CPNE4: variants seen among roughly 807,000 people sequenced by gnomAD.
CPNE4 encodes the protein copine-4.
CPNE4 carries 25 observed loss-of-function variants against 67.9 expected under a neutral mutation model. The ratio of observed to expected loss-of-function variants is 0.37; its 90% CI spans 0.27 to 0.51. CPNE4 has a LOEUF of 0.51. CPNE4 is among the 20% of genes least tolerant of loss of function. CPNE4 has a pLI of 0.93. For synonymous variants in CPNE4, 242 were observed against 244.9 expected (o/e 0.99, Z 0.11); for missense variants, 464 against 690.8 (o/e 0.67, Z 3.68).
intron 7 of CPNE4, among the ~76,000 whole-genome samples, chr3:131,607,149 T>C (rs1201883686): frequency 6.6e-6 from 1 of 151,838 alleles, no homozygotes; most frequent in Non-Finnish European, 1.5e-5. Context: ...GGTGGATCAC[T>C]TTCCTGGGAG....
intron 1 of CPNE4, among the ~76,000 whole-genome samples, chr3:131,971,782 A>T (rs1258428062): frequency 6.6e-6 from 1 of 152,142 alleles, no homozygotes. Flanking sequence ...TCAGCTTCCA[A>T]GTCACTGTAG....
chr3:131,931,139 G>A (rs7642768), intron 1 of CPNE4, among the ~76,000 whole-genome samples: 1 of 151,898 alleles, frequency 6.6e-6, no homozygotes, highest in Non-Finnish European at 1.5e-5. Context: ...CGTTATGGTA[G>A]GAAGTATAGC....
intron 6 of CPNE4, among the ~76,000 whole-genome samples, chr3:131,670,348 C>T (rs770043437): frequency 2.6e-5 from 4 of 152,178 alleles, no homozygotes; most frequent in African/African-American, 9.7e-5. Context: ...CCTGGAAAGG[C>T]GTGACAAAGC....
chr3:131,678,946 T>C (rs1160305592), intron 6 of CPNE4, among the ~76,000 whole-genome samples: 1 of 152,212 alleles, frequency 6.6e-6, no homozygotes, highest in African/African-American at 2.4e-5. Context: ...GCTGGCCCCA[T>C]AGAATGAGTT....
chr3:131,964,560 AGAACTTTGT>A (rs1229465555), intron 1 of CPNE4, among the ~76,000 whole-genome samples: 2 of 151,918 alleles, frequency 1.3e-5, no homozygotes, highest in Non-Finnish European at 1.5e-5. Context: ...ACACAGCATG[AGAACTTTGT>A]GAAGCATACA....
intron 2 of CPNE4, among the ~76,000 whole-genome samples, chr3:131,793,589 TCTCA>T (rs1467432657): frequency 1.3e-5 from 2 of 152,204 alleles, no homozygotes; most frequent in African/African-American, 2.4e-5. Context: ...TCACTATCTC[TCTCA>T]CTCACTAAGA....
rs539619762 is a variant in CPNE4 at position 131,549,955 on chromosome 3, C to T, written c.1294G>A (p.Glu432Lys). The change falls in exon 14 of 16, where the codon GAG (glutamate) becomes AAG (lysine). Residue 432 changes from glutamate to lysine, a missense_variant. Physicochemically the swap from Glu to Lys is moderately conservative, Grantham distance 56. Around this residue, in one of 6 missense-constraint regions of CPNE4, gnomAD observed 201 missense variants for 357.7 expected, o/e 0.56. Transcript: ENST00000429747. ...AATAGCCCCCTCCTTACCGATGCCT[C>T]CTTGGTGTTAGTTTCCTCTGACGCT... ...KSASEETNTK[E>K]ASQYFILLIL... is the part of the protein sequence containing the mutation. 1 of 1,613,012 alleles carries T rather than the reference C, an allele frequency of 6.2e-7. No individual in the cohort carries two copies. The highest frequency in any genetic ancestry group is 1.3e-5 in the African/African-American group (1 of 74,956).
chr3:131,546,360 T>C (rs1935836211), intron 14 of CPNE4, among the ~76,000 whole-genome samples: 1 of 152,170 alleles, frequency 6.6e-6, no homozygotes, highest in East Asian at 1.9e-4. Context: ...TCTTTGAATA[T>C]ACTTGAGGTC....
At chr3:131,979,489 T>C (rs748479722) in intron 1 of CPNE4, among the ~76,000 whole-genome samples, 1 of 140,144 alleles carries the variant, frequency 7.1e-6, no homozygotes, top group East Asian at 2.0e-4. Flanking sequence ...TTTTGTCTGA[T>C]AAAATAGCTA....
At chr3:131,801,841 C>T (rs1024471708) in intron 2 of CPNE4, among the ~76,000 whole-genome samples, 5 of 130,722 alleles carry the variant, frequency 3.8e-5, no homozygotes, top group African/African-American at 1.4e-4. Context: ...AGTGGCAATG[C>T]CTCCAAGCCG....
intron 6 of CPNE4, among the ~76,000 whole-genome samples, chr3:131,671,459 ATGTGTGTGTG>A (rs58195413): frequency 7.6e-6 from 1 of 131,254 alleles, no homozygotes; most frequent in Non-Finnish European, 1.8e-5. Context: ...GAGTGTACAC[ATGTGTGTGTG>A]TGTGTGTGTG....
At chr3:131,858,947 G>A (rs1363510802) in intron 2 of CPNE4, among the ~76,000 whole-genome samples, 1 of 152,116 alleles carries the variant, frequency 6.6e-6, no homozygotes, top group East Asian at 1.9e-4. Context: ...TCTGGACTCT[G>A]CTCACCAAAA....
intron 2 of CPNE4, among the ~76,000 whole-genome samples, chr3:131,734,452 A>G (rs1359563188): frequency 6.6e-6 from 1 of 152,092 alleles, no homozygotes; most frequent in Non-Finnish European, 1.5e-5. Flanking sequence ...GAATTTAGTG[A>G]GAAGAATGAT....
At chr3:132,033,530 C>T (rs1583625947) in intron 1 of CPNE4, among the ~76,000 whole-genome samples, 1 of 152,144 alleles carries the variant, frequency 6.6e-6, no homozygotes, top group Non-Finnish European at 1.5e-5. Context: ...CCCCCCTCCA[C>T]TTCCCAACCA....
At chr3:131,745,265 T>G (rs28799272) in intron 2 of CPNE4, among the ~76,000 whole-genome samples, 14,199 of 152,170 alleles carry the variant, frequency 0.093, 924 homozygotes, top group Non-Finnish European at 0.14. Context: ...CTTTTGCACA[T>G]TGGATTGCTT....
intron 10 of CPNE4, among the ~76,000 whole-genome samples, chr3:131,565,092 C>T (rs1323396302): frequency 6.6e-6 from 1 of 151,928 alleles, no homozygotes; most frequent in African/African-American, 2.4e-5. Context: ...TCACTGAACA[C>T]TTCTTAATAA....
intron 2 of CPNE4, among the ~76,000 whole-genome samples, chr3:131,816,590 A>G (rs897176070): frequency 1.3e-5 from 2 of 152,234 alleles, no homozygotes; most frequent in African/African-American, 4.8e-5. Flanking sequence ...TTAGAACAAG[A>G]TACAACTAAA....
intron 2 of CPNE4, among the ~76,000 whole-genome samples, chr3:131,760,201 G>A (rs1034520649): frequency 2.0e-5 from 3 of 152,166 alleles, no homozygotes; most frequent in African/African-American, 7.2e-5. Context: ...GTGCTGTAAG[G>A]ACTGCCTAAG....
At chr3:131,661,074 T>C (rs1226434853) in intron 7 of CPNE4, among the ~76,000 whole-genome samples, 1 of 152,198 alleles carries the variant, frequency 6.6e-6, no homozygotes, top group Non-Finnish European at 1.5e-5. Flanking sequence ...TTACCTTTGA[T>C]TGTTATGTGA....
Sources: gnomAD v4.1 joint callset for allele counts (sites outside exome capture counted in the v4.1 genomes callset) on GRCh38, gnomAD v4.1.1 for gene constraint, gnomAD v4.1.1 regional missense constraint, MANE v1.5 for transcripts, NCBI Gene and HGNC (gene_info 2026-07-23, HGNC 2026-07-21) for gene names.